Variants in EFNA5 observed in about 807,000 individuals in gnomAD.
The protein encoded by EFNA5 is ephrin-A5.
EFNA5 carries 5 observed loss-of-function variants against 22.9 expected under a neutral mutation model. The observed-to-expected ratio is 0.22, with a 90% CI of 0.11 to 0.46. EFNA5 has a LOEUF of 0.46. Among genes scored for constraint, EFNA5 ranks in the 20% least tolerant of loss-of-function variants. EFNA5 has a pLI of 0.99. For missense variants in EFNA5, 237 were observed against 293.3 expected, an observed-to-expected ratio of 0.81 and a Z score of 1.40; for synonymous variants, 113 against 112.2, an observed-to-expected ratio of 1.01 and a Z score of -0.04.
At chr5:107,661,274 G>A (rs567044771) in intron 1 of EFNA5, among the ~76,000 whole-genome samples, 34 of 152,248 alleles carry the variant, frequency 2.2e-4, no homozygotes, top group Admixed American at 7.8e-4. Context: ...GATTTATAGC[G>A]ACTATATGGA....
chr5:107,521,196 T>C (rs1214181481), intron 1 of EFNA5, among the ~76,000 whole-genome samples: 7 of 152,140 alleles, frequency 4.6e-5, no homozygotes, highest in Non-Finnish European at 8.8e-5. Flanking sequence ...ACCTTAAACA[T>C]GCTCAGAACG....
intron 1 of EFNA5, among the ~76,000 whole-genome samples, chr5:107,613,103 A>T (rs1392457543): frequency 6.6e-6 from 1 of 152,114 alleles, no homozygotes; most frequent in South Asian, 2.1e-4. Flanking sequence ...GCAATAAAAA[A>T]AAAAGATGAA....
intron 2 of EFNA5, among the ~76,000 whole-genome samples, chr5:107,407,544 A>G (rs1748256891): frequency 6.6e-6 from 1 of 152,220 alleles, no homozygotes; most frequent in Non-Finnish European, 1.5e-5. Flanking sequence ...CACTTATCAA[A>G]AGAAAAGAGA....
At chr5:107,393,203 A>G (rs1415549709) in intron 2 of EFNA5, among the ~76,000 whole-genome samples, 1 of 152,200 alleles carries the variant, frequency 6.6e-6, no homozygotes, top group Admixed American at 6.5e-5. Flanking sequence ...AAGGATTTTA[A>G]AATAAGTTAA....
chr5:107,598,854 A>T (rs1749530647), intron 1 of EFNA5, among the ~76,000 whole-genome samples: 1 of 152,198 alleles, frequency 6.6e-6, no homozygotes, highest in Admixed American at 6.6e-5. Context: ...CACAATGTTT[A>T]ACTCTTTACA....
chr5:107,639,742 T>A (rs1289665129), intron 1 of EFNA5, among the ~76,000 whole-genome samples: 1 of 152,092 alleles, frequency 6.6e-6, no homozygotes, highest in African/African-American at 2.4e-5. Context: ...AGTAAACAAA[T>A]AAGCCTCCAT....
At chr5:107,655,013 GA>G (rs57899914) in intron 1 of EFNA5, among the ~76,000 whole-genome samples, 49,012 of 148,536 alleles carry the variant, frequency 0.33, 8,804 homozygotes, top group South Asian at 0.52. Context: ...TGCGCTCATG[GA>G]AAAAAAAAAA....
intron 1 of EFNA5, among the ~76,000 whole-genome samples, chr5:107,627,859 G>A (rs190539571): frequency 6.6e-6 from 1 of 152,020 alleles, no homozygotes; most frequent in African/African-American, 2.4e-5. Flanking sequence ...CATTAGCATT[G>A]CTCACTGTCA....
At chr5:107,654,357 T>A (rs538265147) in intron 1 of EFNA5, among the ~76,000 whole-genome samples, 40 of 152,158 alleles carry the variant, frequency 2.6e-4, no homozygotes, top group Non-Finnish European at 3.5e-4. Flanking sequence ...ACTTTTTTTT[T>A]AAAGGTCAAT....
chr5:107,397,421 C>T (rs1260688615), intron 2 of EFNA5, among the ~76,000 whole-genome samples: 20 of 151,848 alleles, frequency 1.3e-4, no homozygotes, highest in South Asian at 2.1e-4. Context: ...TGGTGGCAGG[C>T]GCCTGTAATC....
chr5:107,581,549 T>A (rs1317399315), intron 1 of EFNA5, among the ~76,000 whole-genome samples: 1 of 152,212 alleles, frequency 6.6e-6, no homozygotes, highest in Non-Finnish European at 1.5e-5. Flanking sequence ...TCCAAAGCCA[T>A]CTACACTAGT....
intron 1 of EFNA5, among the ~76,000 whole-genome samples, chr5:107,623,288 T>C (rs1226593235): frequency 2.0e-5 from 3 of 152,156 alleles, no homozygotes; most frequent in Non-Finnish European, 4.4e-5. Context: ...TGACTTCTTA[T>C]TAAGAGTTTG....
intron 1 of EFNA5, among the ~76,000 whole-genome samples, chr5:107,600,154 A>G (rs1749562325): frequency 6.6e-6 from 1 of 152,200 alleles, no homozygotes; most frequent in Non-Finnish European, 1.5e-5. Flanking sequence ...AGAGGAAGTG[A>G]ATTTGAGCTA....
intron 1 of EFNA5, among the ~76,000 whole-genome samples, chr5:107,527,896 C>T (rs1354155765): frequency 6.6e-6 from 1 of 152,100 alleles, no homozygotes; most frequent in East Asian, 1.9e-4. Flanking sequence ...CTTCTCCTCC[C>T]CCTCAGTACA....
intron 1 of EFNA5, among the ~76,000 whole-genome samples, chr5:107,528,997 T>C (rs1237834453): frequency 6.6e-6 from 1 of 152,206 alleles, no homozygotes; most frequent in East Asian, 1.9e-4. Context: ...GTATATATGT[T>C]TGTGTACATG....
At chr5:107,635,998 T>A (rs570235349) in intron 1 of EFNA5, among the ~76,000 whole-genome samples, 1 of 152,244 alleles carries the variant, frequency 6.6e-6, no homozygotes, top group Non-Finnish European at 1.5e-5. Context: ...TTATCCTTTT[T>A]ATGACTTTAA....
chr5:107,566,176 G>A (rs1331806345), intron 1 of EFNA5, among the ~76,000 whole-genome samples: 4 of 152,166 alleles, frequency 2.6e-5, no homozygotes, highest in South Asian at 2.1e-4. Context: ...GTGATGGCAC[G>A]CAGGACCGGT....
At chr5:107,511,443 G>T (rs2112434421) in intron 1 of EFNA5, among the ~76,000 whole-genome samples, 1 of 152,276 alleles carries the variant, frequency 6.6e-6, no homozygotes, top group South Asian at 2.1e-4. Context: ...ATAGAATATA[G>T]TAGTAGTGGT....
chr5:107,642,718 G>A (rs1261176617), intron 1 of EFNA5, among the ~76,000 whole-genome samples: 1 of 152,024 alleles, frequency 6.6e-6, no homozygotes, highest in South Asian at 2.1e-4. Context: ...TAAAATGTTC[G>A]CAAAATGGAG....
Sources: gnomAD v4.1 joint callset for allele counts (sites outside exome capture counted in the v4.1 genomes callset) on GRCh38, gnomAD v4.1.1 for gene constraint, MANE v1.5 for transcripts, NCBI Gene and HGNC (gene_info 2026-07-23, HGNC 2026-07-21) for gene names.